TBC1D22A: variants seen among roughly 807,000 people sequenced by gnomAD.
The protein encoded by TBC1D22A is TBC1 domain family member 22A.
Under a neutral mutation model 60.2 loss-of-function variants are expected in TBC1D22A, and 38 were observed. The ratio of observed to expected loss-of-function variants is 0.63; its 90% CI spans 0.49 to 0.83. TBC1D22A has a LOEUF of 0.83. TBC1D22A is among the 40% of genes least tolerant of loss of function. The pLI, the probability that TBC1D22A is intolerant of heterozygous loss-of-function variation, is 0.00. For synonymous variants in TBC1D22A, 302 were observed against 281.7 expected, an observed-to-expected ratio of 1.07 and a Z score of -0.72; for missense variants, 628 against 701.0, an observed-to-expected ratio of 0.90 and a Z score of 1.18.
chr22:46,847,795 G>A (rs2087071273), intron 4 of TBC1D22A, among the ~76,000 whole-genome samples: 1 of 152,190 alleles, frequency 6.6e-6, no homozygotes, highest in South Asian at 2.1e-4. Context: ...TTCCAGGGAG[G>A]GAAAATGGGG....
intron 4 of TBC1D22A, among the ~76,000 whole-genome samples, chr22:46,802,951 G>T (rs2084959527): frequency 6.6e-6 from 1 of 152,066 alleles, no homozygotes; most frequent in South Asian, 2.1e-4. Context: ...AGAGCCTGGG[G>T]TCTGCAGGGA....
chr22:46,770,145 A>T (rs1027828096), intron 1 of TBC1D22A, among the ~76,000 whole-genome samples: 1 of 152,198 alleles, frequency 6.6e-6, no homozygotes, highest in Non-Finnish European at 1.5e-5. Context: ...GGTCAGAGAC[A>T]TGGTGTGGGA....
intron 8 of TBC1D22A, among the ~76,000 whole-genome samples, chr22:46,959,449 C>T (rs567973068): frequency 4.6e-5 from 7 of 152,296 alleles, no homozygotes; most frequent in African/African-American, 9.6e-5. Context: ...GCAGCATTGC[C>T]GCCTCCCTAT....
At chr22:47,102,962 G>A (rs183834389) in intron 11 of TBC1D22A, among the ~76,000 whole-genome samples, 1 of 152,158 alleles carries the variant, frequency 6.6e-6, no homozygotes, top group Non-Finnish European at 1.5e-5. Context: ...TTCCCTCAGG[G>A]CCTCACATAC....
chr22:46,963,283 C>A (rs1361634417), intron 8 of TBC1D22A, among the ~76,000 whole-genome samples: 3 of 152,050 alleles, frequency 2.0e-5, no homozygotes, highest in Non-Finnish European at 4.4e-5. Flanking sequence ...TGGACATGCC[C>A]TATAGACCCT....
At chr22:47,094,702 G>T (rs2065103473) in intron 11 of TBC1D22A, among the ~76,000 whole-genome samples, 1 of 152,134 alleles carries the variant, frequency 6.6e-6, no homozygotes, top group African/African-American at 2.4e-5. Flanking sequence ...TATAGTTTAT[G>T]TCTTTCTCTT....
chr22:46,860,944 C>G (rs2087844528), intron 4 of TBC1D22A, among the ~76,000 whole-genome samples: 1 of 152,076 alleles, frequency 6.6e-6, no homozygotes, highest in Non-Finnish European at 1.5e-5. Context: ...CTGAGAAGCT[C>G]TTTTGGCGAA....
At position 47,028,325 on chromosome 22, in the gene TBC1D22A, C is replaced by G. The variant is rs553545808; in HGVS notation, c.1202-8746C>G. On this transcript the variant is annotated intron_variant, in intron 10 of 12. Coordinates refer to ENST00000337137, the MANE Select transcript of TBC1D22A (RefSeq NM_014346.5). The surrounding 1 kb of genome is among the most constrained non-coding windows in gnomAD (Gnocchi z 4.4). The stretch of plus-strand genomic sequence containing the variant: ...GATTCTGAGAGTGAGTGGTCGCGTT[C>G]CTGTCCCTCGGTCCCTGTCCCCCAC... Among the ~76,000 whole-genome samples, 16 of 152,160 alleles carry G rather than the reference C, an allele frequency of 1.1e-4. No individual in the cohort carries two copies. The highest frequency in any genetic ancestry group is 3.4e-4 in the African/African-American group (14 of 41,508).
intron 5 of TBC1D22A, among the ~76,000 whole-genome samples, chr22:46,879,116 G>GTTTTTTTTTTT (rs131870): frequency 7.4e-6 from 1 of 135,436 alleles, no homozygotes. Context: ...GTTTGACCAA[G>GTTTTTTTTTTT]TTTTTTTTTT....
chr22:46,890,829 TGTGTGTGTGCGTGGG>T (rs775055368), intron 5 of TBC1D22A, among the ~76,000 whole-genome samples: 9 of 152,190 alleles, frequency 5.9e-5, no homozygotes, highest in South Asian at 2.1e-4. Context: ...CGTGTATATG[TGTGTGTGTGCGTGGG>T]GTGTGTGTGC....
At chr22:46,800,106 C>T (rs1357597870) in intron 4 of TBC1D22A, among the ~76,000 whole-genome samples, 3 of 152,152 alleles carry the variant, frequency 2.0e-5, no homozygotes, top group African/African-American at 7.2e-5. Context: ...CTTTAGAGTG[C>T]CCTGTAACAT....
At chr22:46,813,541 C>T (rs989557594) in intron 4 of TBC1D22A, among the ~76,000 whole-genome samples, 6 of 152,148 alleles carry the variant, frequency 3.9e-5, no homozygotes, top group African/African-American at 1.2e-4. Context: ...TTATTTCATT[C>T]AATTACAATA....
chr22:47,082,231 A>C (rs2064498390), intron 11 of TBC1D22A, among the ~76,000 whole-genome samples: 1 of 152,190 alleles, frequency 6.6e-6, no homozygotes, highest in South Asian at 2.1e-4. Flanking sequence ...ATTCCTACTA[A>C]CCTTTATTAT....
chr22:46,923,979 T>C (rs1380033952), intron 8 of TBC1D22A, among the ~76,000 whole-genome samples: 1 of 152,262 alleles, frequency 6.6e-6, no homozygotes, highest in South Asian at 2.1e-4. Flanking sequence ...CCTGTACTTT[T>C]CAAACAGCGA....
At chr22:47,067,826 C>T (rs2063828331) in intron 11 of TBC1D22A, among the ~76,000 whole-genome samples, 1 of 152,264 alleles carries the variant, frequency 6.6e-6, no homozygotes, top group South Asian at 2.1e-4. Context: ...CAGCACTTTC[C>T]CAGCTGAATG....
At chr22:47,121,565 G>A (rs2066271809) in intron 12 of TBC1D22A, among the ~76,000 whole-genome samples, 2 of 151,964 alleles carry the variant, frequency 1.3e-5, no homozygotes, top group Non-Finnish European at 2.9e-5. Flanking sequence ...TGTATATATC[G>A]ACATATGTAA....
intron 11 of TBC1D22A, 30 bp from the exon 12 acceptor site, chr22:47,111,478 T>A (rs1351453888): frequency 1.2e-6 from 2 of 1,602,314 alleles, no homozygotes; most frequent in South Asian, 2.2e-5. Flanking sequence ...CGCGTTACAA[T>A]TTCTCTCTTG....
At chr22:46,833,986 TTC>T (rs1324821153) in intron 4 of TBC1D22A, among the ~76,000 whole-genome samples, 3 of 152,250 alleles carry the variant, frequency 2.0e-5, no homozygotes, top group African/African-American at 7.2e-5. Context: ...TCTTTCCATT[TTC>T]TTTTTCTTTT....
intron 11 of TBC1D22A, among the ~76,000 whole-genome samples, chr22:47,088,005 A>G (rs1265671990): frequency 2.0e-5 from 3 of 152,082 alleles, no homozygotes; most frequent in Non-Finnish European, 4.4e-5. Flanking sequence ...CCCGGGAGGC[A>G]GAGGTTGCAG....
Sources: gnomAD v4.1 joint callset for allele counts (sites outside exome capture counted in the v4.1 genomes callset) on GRCh38, gnomAD v4.1.1 for gene constraint, Gnocchi (gnomAD v3.1) non-coding constraint, MANE v1.5 for transcripts, NCBI Gene and HGNC (gene_info 2026-07-23, HGNC 2026-07-21) for gene names.